Variants in ROBO2 observed in about 807,000 individuals in gnomAD.
ROBO2 encodes the protein roundabout guidance receptor 2.
A neutral mutation model predicts 160.8 loss-of-function variants in ROBO2; 53 were observed. That is an observed-to-expected ratio of 0.33 (90% CI 0.26 to 0.41). The LOEUF (loss-of-function observed/expected upper bound fraction) is 0.41, where lower values mean the gene tolerates loss of function less well. Among genes scored for constraint, ROBO2 ranks in the 10% least tolerant of loss-of-function variants. ROBO2 has a pLI of 1.00. For synonymous variants in ROBO2, 664 were observed against 611.7 expected (o/e 1.09, Z -1.26); for missense variants, 1,577 against 1,722.4 (o/e 0.92, Z 1.49).
At chr3:77,191,881 G>T (rs529214880) in intron 2 of ROBO2, among the ~76,000 whole-genome samples, 1 of 152,222 alleles carries the variant, frequency 6.6e-6, no homozygotes, top group South Asian at 2.1e-4. Flanking sequence ...ACATGTCAAA[G>T]ACTTGTAAAA....
At chr3:77,451,908 T>C (rs1023884206) in intron 2 of ROBO2, among the ~76,000 whole-genome samples, 1 of 152,148 alleles carries the variant, frequency 6.6e-6, no homozygotes, top group Non-Finnish European at 1.5e-5. Flanking sequence ...TATCTCCTAA[T>C]GCTATCCCTC....
At chr3:76,585,738 A>T (rs2085993738) in intron 2 of ROBO2, among the ~76,000 whole-genome samples, 1 of 152,168 alleles carries the variant, frequency 6.6e-6, no homozygotes. Flanking sequence ...TAGAAAAACC[A>T]CTTGGTTAAT....
rs17028560 is a variant in ROBO2 at position 75,942,138 on chromosome 3, G to A, written c.109+4536G>A. On this transcript the variant is annotated intron_variant, in intron 2 of 26. Coordinates refer to the ROBO2 transcript ENST00000487694. ...TCTGACTTTGAATTAAAGGTTTACA[G>A]CTACAGCTTTTAATTAGAAAATCTC... Among the ~76,000 whole-genome samples the A allele has an allele frequency of 4.5e-3, 685 of 152,264 alleles. 31 individuals carry two copies. In the East Asian group the frequency reaches 0.12, roughly 26 times the overall value.
intron 2 of ROBO2, among the ~76,000 whole-genome samples, chr3:77,457,601 G>T (rs1241295376): frequency 1.3e-5 from 2 of 151,820 alleles, no homozygotes; most frequent in African/African-American, 4.8e-5. Flanking sequence ...CATACAACAG[G>T]GATCACTTTC....
intron 2 of ROBO2, among the ~76,000 whole-genome samples, chr3:76,834,809 A>G (rs1172165504): frequency 6.6e-6 from 1 of 152,222 alleles, no homozygotes; most frequent in African/African-American, 2.4e-5. Context: ...ATAGATATAG[A>G]CATGCAATCA....
exon 26 of ROBO2, chr3:77,647,374 A>C (rs1252859318): frequency 6.6e-6 from 1 of 152,162 alleles, no homozygotes; most frequent in Non-Finnish European, 1.5e-5. Context: ...TCTATGGTAC[A>C]TTCTCAGAAA....
At chr3:76,519,024 G>C (rs1335605721) in intron 2 of ROBO2, among the ~76,000 whole-genome samples, 1 of 152,150 alleles carries the variant, frequency 6.6e-6, no homozygotes, top group Non-Finnish European at 1.5e-5. Context: ...TGAGCCAGGG[G>C]TGACCACAAG....
chr3:76,281,002 G>A (rs1201559743), intron 2 of ROBO2, among the ~76,000 whole-genome samples: 1 of 151,954 alleles, frequency 6.6e-6, no homozygotes, highest in Non-Finnish European at 1.5e-5. Flanking sequence ...AAGCTTGAAA[G>A]TCACTTATAT....
intron 2 of ROBO2, among the ~76,000 whole-genome samples, chr3:76,749,340 CAG>C (rs2093942835): frequency 6.6e-6 from 1 of 151,842 alleles, no homozygotes; most frequent in Non-Finnish European, 1.5e-5. Context: ...AAAATTTACT[CAG>C]ATGAGATTCA....
At chr3:76,233,317 T>C (rs762877424) in intron 2 of ROBO2, among the ~76,000 whole-genome samples, 2 of 152,038 alleles carry the variant, frequency 1.3e-5, no homozygotes, top group Non-Finnish European at 2.9e-5. Context: ...CTAATGTTTG[T>C]ATTTTTAGTA....
intron 2 of ROBO2, among the ~76,000 whole-genome samples, chr3:76,841,354 T>C (rs2068241301): frequency 6.6e-6 from 1 of 152,164 alleles, no homozygotes; most frequent in Non-Finnish European, 1.5e-5. Context: ...CCTTAATATT[T>C]GGTGTTTATA....
intron 2 of ROBO2, among the ~76,000 whole-genome samples, chr3:76,397,089 G>A (rs2077501861): frequency 6.6e-6 from 1 of 152,168 alleles, no homozygotes; most frequent in African/African-American, 2.4e-5. Flanking sequence ...CACGGCTACA[G>A]TAACCAAAAC....
At position 77,279,367 on chromosome 3, in the gene ROBO2, A is replaced by G. The variant is rs141924946; in HGVS notation, c.388+181027A>G. Among the ~76,000 whole-genome samples, 380 of 152,240 alleles carry G rather than the reference A, an allele frequency of 2.5e-3. 2 individuals are homozygous for G. The highest frequency in any genetic ancestry group is 8.8e-3 in the African/African-American group (366 of 41,588). ...GGAAACATTATGCAAATGACTCACAATGAAGTCTGTGAGTTTAGTTAAGCT... is the reference window on the plus strand; with the variant it reads ...GGAAACATTATGCAAATGACTCACAGTGAAGTCTGTGAGTTTAGTTAAGCT... On this transcript the variant is annotated intron_variant, in intron 2 of 25. Transcript: ENST00000461745.
Position 76,480,640 on chromosome 3 carries a change from T to G in ROBO2, c.109+543038T>G, listed in dbSNP as rs1191595218. 2.0e-5 allele frequency among the ~76,000 whole-genome samples: 3 copies of G among 152,274 alleles called. No homozygotes were observed. In the East Asian group the frequency reaches 5.8e-4, roughly 29 times the overall value. On this transcript the variant is annotated intron_variant, in intron 2 of 26. Coordinates refer to the ROBO2 transcript ENST00000487694. ...TTGTTCATAAACAGTGCCTTCCAGC[T>G]GGGTCTTCCCACAGTAGAAGAGGTG... is the stretch of plus-strand genomic sequence containing the variant.
At chr3:76,022,158 C>A (rs907106112) in intron 2 of ROBO2, among the ~76,000 whole-genome samples, 1 of 151,762 alleles carries the variant, frequency 6.6e-6, no homozygotes, top group Non-Finnish European at 1.5e-5. Flanking sequence ...TATCTTGAAA[C>A]TGCAGCAACT....
chr3:76,637,950 T>C (rs916062466), intron 2 of ROBO2, among the ~76,000 whole-genome samples: 30 of 152,204 alleles, frequency 2.0e-4, no homozygotes, highest in Admixed American at 5.9e-4. Flanking sequence ...ATATTAATTG[T>C]AAAAAATTTA....
chr3:76,528,055 G>C lies in ROBO2; in HGVS notation c.110-569959G>C, dbSNP rs555014958. Among the ~76,000 whole-genome samples, 10 of 152,226 alleles carry C rather than the reference G, an allele frequency of 6.6e-5. No homozygotes were observed. In the East Asian group the frequency reaches 1.7e-3, roughly 27 times the overall value. On this transcript the variant is annotated intron_variant, in intron 2 of 26. Transcript: ENST00000487694. ...CTCATAGCTCACCATAAGGACCTTA[G>C]CTCTTACTTTGAATAATAATATGAA... is the stretch of plus-strand genomic sequence containing the variant.
chr3:77,048,041 C>T (rs145124164), intron 1 of ROBO2, among the ~76,000 whole-genome samples: 8,669 of 151,606 alleles, frequency 0.057, 338 homozygotes, highest in Non-Finnish European at 0.092. Context: ...AGTGAGACTC[C>T]GTCTCAAAAA....
intron 2 of ROBO2, among the ~76,000 whole-genome samples, chr3:76,002,722 T>C (rs2065922158): frequency 6.6e-6 from 1 of 152,114 alleles, no homozygotes; most frequent in Admixed American, 6.5e-5. Context: ...GAGAACAGAC[T>C]AAAACACCAA....
Sources: allele counts gnomAD v4.1 joint callset (sites outside exome capture counted in the v4.1 genomes callset), GRCh38; gene constraint gnomAD v4.1.1; transcripts MANE v1.5; gene names NCBI Gene and HGNC (gene_info 2026-07-23, HGNC 2026-07-21).